The following RPAP2 variants were observed in gnomAD, a reference collection of about 807,000 sequenced individuals.
The protein encoded by RPAP2 is putative RNA polymerase II subunit B1 CTD phosphatase RPAP2.
In RPAP2, 52 loss-of-function variants were observed where a neutral mutation model predicts 73.1. The ratio of observed to expected loss-of-function variants is 0.71; its 90% CI spans 0.57 to 0.90. The LOEUF is 0.90. Ranked by LOEUF, RPAP2 falls within the 40% of genes least tolerant of loss-of-function variation. The pLI is 0.00. For synonymous variants in RPAP2, 225 were observed against 242.1 expected, an observed-to-expected ratio of 0.93 and a Z score of 0.65; for missense variants, 598 against 701.8, an observed-to-expected ratio of 0.85 and a Z score of 1.67.
rs1328933249 is a variant in RPAP2 at position 92,345,749 on chromosome 1, T to G, written c.1620-97T>G. ...AACAAGTATTTTAAAAAAAAGTGCT[T>G]CTTTGGCACATTATTATAAATCTGA... On this transcript the variant is annotated intron_variant, in intron 10 of 12. Transcript: ENST00000610020. The G allele has an allele frequency of 2.0e-5, 15 of 741,912 alleles. No individual in the cohort carries two copies. The East Asian group carries it at 4.0e-4, about 20-fold the overall frequency. 46.0% of individuals were successfully genotyped at this position (741,912 alleles called of 1,614,324 possible).
intron 6 of RPAP2, among the ~76,000 whole-genome samples, chr1:92,319,167 C>A (rs559238648): frequency 6.6e-6 from 1 of 152,244 alleles, no homozygotes; most frequent in East Asian, 1.9e-4. Context: ...GAAATGACAC[C>A]TCTCTGAAAC....
intron 11 of RPAP2, among the ~76,000 whole-genome samples, chr1:92,375,208 T>C (rs2101434580): frequency 6.6e-6 from 1 of 152,338 alleles, no homozygotes. Flanking sequence ...TAATATGTTT[T>C]ACATGACTCC....
chr1:92,369,122 A>T (rs946879965), intron 11 of RPAP2, among the ~76,000 whole-genome samples: 1 of 152,236 alleles, frequency 6.6e-6, no homozygotes, highest in African/African-American at 2.4e-5. Flanking sequence ...AACTTTCAAC[A>T]GAAATCTTTT....
chr1:92,367,126 A>G (rs1280614153), intron 11 of RPAP2, among the ~76,000 whole-genome samples: 2 of 152,228 alleles, frequency 1.3e-5, no homozygotes, highest in African/African-American at 4.8e-5. Flanking sequence ...ATGACCCTCA[A>G]TAATTCCTTT....
intron 9 of RPAP2, among the ~76,000 whole-genome samples, chr1:92,334,049 G>A (rs185524194): frequency 6.6e-6 from 1 of 151,472 alleles, no homozygotes; most frequent in East Asian, 1.9e-4. Context: ...GAACTTGAAG[G>A]TTTTTTTTTC....
intron 11 of RPAP2, among the ~76,000 whole-genome samples, chr1:92,358,160 T>C (rs942155611): frequency 6.6e-6 from 1 of 152,232 alleles, no homozygotes; most frequent in African/African-American, 2.4e-5. Flanking sequence ...TCAAAGGCTT[T>C]CAATTGCTCT....
At chr1:92,339,341 TC>T (rs1334529160) in intron 10 of RPAP2, among the ~76,000 whole-genome samples, 1 of 25,818 alleles carries the variant, frequency 3.9e-5, no homozygotes, top group Non-Finnish European at 7.2e-5. Context: ...CGCCCCCCAA[TC>T]CCCCAAGGAT....
chr1:92,391,770 C>G lies in RPAP2; in HGVS notation c.*4759C>G, dbSNP rs1656048431. On this transcript the variant is annotated 3_prime_UTR_variant, in exon 13 of 13. Coordinates refer to ENST00000610020, the MANE Select transcript of RPAP2 (RefSeq NM_024813.3). ...CTATAAACACCTCTACACAAATAAACTAGAAAATCTAGAAGAAATGGATAA... is the reference window on the plus strand; with the variant it reads ...CTATAAACACCTCTACACAAATAAAGTAGAAAATCTAGAAGAAATGGATAA... 1 of 152,142 alleles carries G rather than the reference C, an allele frequency of 6.6e-6. No homozygotes were observed. The highest frequency in any genetic ancestry group is 1.5e-5 in the Non-Finnish European group (1 of 68,020). The allele number at this position is 152,142 out of a possible 1,614,324, so 9.4% of individuals were successfully genotyped here.
intron 6 of RPAP2, among the ~76,000 whole-genome samples, chr1:92,316,599 A>G (rs1238765281): frequency 2.0e-5 from 3 of 152,262 alleles, no homozygotes; most frequent in African/African-American, 7.2e-5. Context: ...ATAAAGAAAC[A>G]GCTTACAAGC....
chr1:92,330,828 T>C (rs1345517386), intron 8 of RPAP2, among the ~76,000 whole-genome samples: 2 of 152,192 alleles, frequency 1.3e-5, no homozygotes, highest in Non-Finnish European at 2.9e-5. Context: ...ATACAGTGCT[T>C]ACTATACAAT....
intron 10 of RPAP2, among the ~76,000 whole-genome samples, chr1:92,342,583 A>C (rs1400085686): frequency 6.6e-6 from 1 of 152,220 alleles, no homozygotes; most frequent in Non-Finnish European, 1.5e-5. Context: ...CAAGTTGATA[A>C]TTACAACAGA....
In RPAP2 at chr1:92,397,540, C is replaced by G. The variant is rs1656214832; in HGVS notation, c.*10529C>G. On this transcript the variant is annotated 3_prime_UTR_variant, in exon 13 of 13. Transcript: ENST00000610020. ...GTAGCTCAGTATAGAAACTAAGGAT[C>G]CAAGTGGACAACTGCCACCAAGTCA... 6.6e-6 allele frequency: 1 copy of G among 152,148 alleles called. No homozygotes were observed. Among genetic ancestry groups the G allele is most frequent in the Non-Finnish European group, 1.5e-5 (1 of 68,060 alleles). The allele number at this position is 152,148 out of a possible 1,614,324, so 9.4% of individuals were successfully genotyped here.
Position 92,321,944 on chromosome 1 carries a change from CTTTTTTTTTTTTT to C in RPAP2, c.524+1316_524+1328del, listed in dbSNP as rs529045202. The stretch of plus-strand genomic sequence containing the variant: ...AGAAACCGATAATGAAATTTTCTTT[CTTTTTTTTTTTTT>C]TTTTTCAAGACAGAGTCTCACTCTA... On this transcript the variant is annotated intron_variant, in intron 7 of 12. Coordinates refer to ENST00000610020, the MANE Select transcript of RPAP2 (RefSeq NM_024813.3). Among the ~76,000 whole-genome samples, 4 of 106,082 alleles carry C rather than the reference CTTTTTTTTTTTTT, an allele frequency of 3.8e-5. No homozygotes were observed. In the Admixed American group the frequency reaches 3.8e-4, roughly 10 times the overall value. 69.6% of individuals were successfully genotyped at this position (106,082 alleles called of 152,430 possible).
Position 92,312,372 on chromosome 1 carries a change from T to C in RPAP2, c.488+5096T>C, listed in dbSNP as rs1048721174. 2.7e-5 allele frequency among the ~76,000 whole-genome samples: 4 copies of C among 150,592 alleles called. No homozygotes were observed. The South Asian group carries it at 6.3e-4, about 24-fold the overall frequency. ...GAGTTCATGGTTGCAGTGAGTTAGA[T>C]CACACCACTGCACTCCAGCCTTGGC... On this transcript the variant is annotated intron_variant, in intron 6 of 12. Transcript: ENST00000610020.
At chr1:92,372,770 A>G (rs182994859) in intron 11 of RPAP2, among the ~76,000 whole-genome samples, 1 of 152,186 alleles carries the variant, frequency 6.6e-6, no homozygotes, top group Admixed American at 6.5e-5. Flanking sequence ...GTAGCCGGGT[A>G]TGGTGGCACA....
intron 8 of RPAP2, among the ~76,000 whole-genome samples, chr1:92,329,592 G>A (rs1652840623): frequency 6.6e-6 from 1 of 152,176 alleles, no homozygotes; most frequent in African/African-American, 2.4e-5. Flanking sequence ...GGTAGTTCTT[G>A]GAGCAAAAGT....
intron 8 of RPAP2, among the ~76,000 whole-genome samples, chr1:92,326,703 C>T (rs1652651688): frequency 6.6e-6 from 1 of 152,184 alleles, no homozygotes; most frequent in South Asian, 2.1e-4. Flanking sequence ...ATGGCTGCCT[C>T]TGCTGTGTCA....
At chr1:92,373,815 G>A (rs1010395982) in intron 11 of RPAP2, among the ~76,000 whole-genome samples, 4 of 148,920 alleles carry the variant, frequency 2.7e-5, no homozygotes, top group African/African-American at 9.9e-5. Context: ...CAGCTACTCG[G>A]GACTCAGGCT....
intron 9 of RPAP2, among the ~76,000 whole-genome samples, chr1:92,334,844 C>T (rs527897392): frequency 2.6e-5 from 4 of 151,982 alleles, no homozygotes; most frequent in East Asian, 1.9e-4. Flanking sequence ...AAAAATTAGC[C>T]GGGCGTGGTG....
Sources: gnomAD v4.1 joint callset for allele counts (sites outside exome capture counted in the v4.1 genomes callset) on GRCh38, gnomAD v4.1.1 for gene constraint, MANE v1.5 for transcripts, NCBI Gene and HGNC (gene_info 2026-07-23, HGNC 2026-07-21) for gene names.